Variants in GRID1 observed in about 807,000 individuals in gnomAD.
The protein encoded by GRID1 is glutamate ionotropic receptor delta type subunit 1, also known as glutamate receptor ionotropic, delta-1.
In GRID1, 28 loss-of-function variants were observed where a neutral mutation model predicts 98.0. That is an observed-to-expected ratio of 0.29 (90% CI 0.21 to 0.39). GRID1 has a LOEUF of 0.39. Among genes scored for constraint, GRID1 ranks in the 10% least tolerant of loss-of-function variants. GRID1 has a pLI of 1.00. For synonymous variants in GRID1, 553 were observed against 538.5 expected, an observed-to-expected ratio of 1.03 and a Z score of -0.37; for missense variants, 1,111 against 1,340.5, an observed-to-expected ratio of 0.83 and a Z score of 2.67.
At chr10:86,139,474 C>A (rs1844981031) in intron 3 of GRID1, among the ~76,000 whole-genome samples, 1 of 152,188 alleles carries the variant, frequency 6.6e-6, no homozygotes, top group Non-Finnish European at 1.5e-5. Context: ...GCGGGCCTGG[C>A]CTCAGCAGAT....
At chr10:86,227,773 C>A (rs1002584928) in intron 2 of GRID1, among the ~76,000 whole-genome samples, 1 of 152,164 alleles carries the variant, frequency 6.6e-6, no homozygotes, top group Non-Finnish European at 1.5e-5. Context: ...GGCCATCCTC[C>A]CTCCATCATG....
chr10:86,226,807 C>A (rs1318163522), intron 2 of GRID1, among the ~76,000 whole-genome samples: 1 of 150,976 alleles, frequency 6.6e-6, no homozygotes, highest in East Asian at 2.0e-4. Context: ...CCCGCAGCCC[C>A]CTAAACCAGC....
At chr10:85,982,186 C>T (rs1589323624) in intron 4 of GRID1, among the ~76,000 whole-genome samples, 1 of 123,018 alleles carries the variant, frequency 8.1e-6, no homozygotes, top group Non-Finnish European at 1.7e-5. Context: ...GAAAAGGGCT[C>T]TTGCCACAAA....
chr10:86,305,114 A>G (rs1053533534), intron 2 of GRID1, among the ~76,000 whole-genome samples: 1 of 152,056 alleles, frequency 6.6e-6, no homozygotes, highest in Non-Finnish European at 1.5e-5. Context: ...TAAGGAAAAA[A>G]AAAAAAAAAC....
At chr10:86,128,776 C>G (rs1844792125) in intron 4 of GRID1, among the ~76,000 whole-genome samples, 1 of 152,192 alleles carries the variant, frequency 6.6e-6, no homozygotes, top group Non-Finnish European at 1.5e-5. Flanking sequence ...TTTCTCAACG[C>G]CCTTCATGCC....
At chr10:86,135,439 C>A (rs1244154543) in intron 4 of GRID1, among the ~76,000 whole-genome samples, 1 of 152,138 alleles carries the variant, frequency 6.6e-6, no homozygotes, top group African/African-American at 2.4e-5. Flanking sequence ...GGCCTGGGAT[C>A]CGGAGACCTG....
intron 4 of GRID1, among the ~76,000 whole-genome samples, chr10:86,128,733 ACCTTG>A (rs1403403453): frequency 6.6e-6 from 1 of 152,098 alleles, no homozygotes; most frequent in African/African-American, 2.4e-5. Flanking sequence ...CAGAATGTTG[ACCTTG>A]CCCAGGGTCA....
chr10:86,117,170 C>A (rs978394513), intron 4 of GRID1, among the ~76,000 whole-genome samples: 4 of 151,570 alleles, frequency 2.6e-5, no homozygotes, highest in African/African-American at 9.7e-5. Context: ...TCACCAACAC[C>A]ATTACCAGCA....
chr10:85,974,506 C>T (rs1017130579), intron 4 of GRID1, among the ~76,000 whole-genome samples: 2 of 152,170 alleles, frequency 1.3e-5, no homozygotes, highest in Non-Finnish European at 2.9e-5. Flanking sequence ...GGAAGACTTT[C>T]AATTTTTCCA....
Position 86,206,415 on chromosome 10 carries a change from C to A in GRID1, c.469G>T (p.Val157Leu), listed in dbSNP as rs1846025982. ...AACTTCTGCCAGCGCAGCTCCGTCA[C>A]CAGCCTGAGCATGACATCATTGAGG... ...VRLNDVMLRLVTELRWQKFVM... is the reference protein window; with the variant it reads ...VRLNDVMLRLLTELRWQKFVM... Residue 157 changes from valine to leucine, a missense_variant, in exon 3 of 16, where the codon GTG (valine) becomes TTG (leucine). By Grantham distance (32) the Val-to-Leu change is conservative. Transcript: ENST00000327946. The surrounding 1 kb of genome is among the most constrained non-coding windows in gnomAD (Gnocchi z 4.1). 3 of 1,611,682 alleles carry A rather than the reference C, an allele frequency of 1.9e-6. No individual in the cohort carries two copies. The South Asian group carries it at 3.3e-5, about 18-fold the overall frequency.
chr10:86,173,502 T>C (rs1845524712), intron 3 of GRID1, among the ~76,000 whole-genome samples: 1 of 152,176 alleles, frequency 6.6e-6, no homozygotes, highest in Admixed American at 6.5e-5. Flanking sequence ...TCTATACATA[T>C]AGCCAATTGT....
At chr10:85,979,860 A>G (rs1482387275) in intron 4 of GRID1, among the ~76,000 whole-genome samples, 1 of 152,220 alleles carries the variant, frequency 6.6e-6, no homozygotes, top group Non-Finnish European at 1.5e-5. Context: ...GGCCTACTCC[A>G]AGTTACCTTC....
At chr10:85,794,982 C>T (rs1842513430) in intron 8 of GRID1, among the ~76,000 whole-genome samples, 1 of 152,122 alleles carries the variant, frequency 6.6e-6, no homozygotes, top group South Asian at 2.1e-4. Flanking sequence ...TCTCCCCCAA[C>T]TTCTAACTAA....
intron 2 of GRID1, among the ~76,000 whole-genome samples, chr10:86,351,382 C>G (rs1053610376): frequency 6.6e-6 from 1 of 152,244 alleles, no homozygotes; most frequent in Non-Finnish European, 1.5e-5. Flanking sequence ...GGTCAAGCCA[C>G]AGGGCAGGCT....
intron 8 of GRID1, among the ~76,000 whole-genome samples, chr10:85,795,508 T>C (rs2132746495): frequency 6.6e-6 from 1 of 152,362 alleles, no homozygotes; most frequent in African/African-American, 2.4e-5. Context: ...ATTTCTTAAA[T>C]GCACTTGAAT....
At chr10:85,659,092 A>T (rs1056980704) in intron 12 of GRID1, among the ~76,000 whole-genome samples, 1 of 152,236 alleles carries the variant, frequency 6.6e-6, no homozygotes, top group Non-Finnish European at 1.5e-5. Flanking sequence ...TACTGTGGAC[A>T]GTTAAGGAAG....
At chr10:86,157,782 C>G (rs958978189) in intron 3 of GRID1, among the ~76,000 whole-genome samples, 36 of 152,320 alleles carry the variant, frequency 2.4e-4, no homozygotes, top group African/African-American at 8.2e-4. Context: ...CGCAAGTTGA[C>G]AGCCAACGCA....
chr10:86,042,001 C>T (rs545293456), intron 4 of GRID1, among the ~76,000 whole-genome samples: 1 of 152,256 alleles, frequency 6.6e-6, no homozygotes, highest in East Asian at 1.9e-4. Flanking sequence ...TTAAGGGGAC[C>T]AATCAAAGCC....
chr10:85,783,082 C>T (rs750460337), intron 8 of GRID1, among the ~76,000 whole-genome samples: 43 of 152,200 alleles, frequency 2.8e-4, no homozygotes, highest in Admixed American at 2.3e-3. Flanking sequence ...AAATGCTATT[C>T]ATCACCAAAT....
Sources: allele counts gnomAD v4.1 joint callset (sites outside exome capture counted in the v4.1 genomes callset), GRCh38; gene constraint gnomAD v4.1.1; non-coding constraint Gnocchi (gnomAD v3.1); transcripts MANE v1.5; gene names NCBI Gene and HGNC (gene_info 2026-07-23, HGNC 2026-07-21).